Variants in EBF4 observed in about 807,000 individuals in gnomAD.
EBF4 encodes transcription factor COE4.
In EBF4, 34 loss-of-function variants were observed where a neutral mutation model predicts 67.1. That is an observed-to-expected ratio of 0.51 (90% CI 0.39 to 0.67). The LOEUF (loss-of-function observed/expected upper bound fraction) is 0.67. EBF4 is among the 30% of genes least tolerant of loss of function. EBF4 has a pLI of 0.00. For missense variants in EBF4, 837 were observed against 873.3 expected (o/e 0.96, Z 0.52); for synonymous variants, 387 against 377.7 (o/e 1.02, Z -0.29).
intron 14 of EBF4, among the ~76,000 whole-genome samples, 158 bp downstream of exon 14, chr20:2,752,703 C>A (rs539259089): frequency 2.2e-4 from 34 of 152,210 alleles, no homozygotes; most frequent in Non-Finnish European, 3.4e-4. Flanking sequence ...CGCCTGGGAC[C>A]TCCCCTGCCG....
intron 6 of EBF4, among the ~76,000 whole-genome samples, chr20:2,737,621 G>A (rs2087906884): frequency 6.6e-6 from 1 of 151,968 alleles, no homozygotes; most frequent in Non-Finnish European, 1.5e-5. Flanking sequence ...TTACCCTCCT[G>A]CCACCCCACC....
exon 13 of EBF4, chr20:2,752,139 C>T (rs1202349846): frequency 6.9e-7 from 1 of 1,450,382 alleles, no homozygotes; most frequent in South Asian, 1.4e-5. Context: ...ACAGCACCCC[C>T]CGCGCACCCG....
chr20:2,721,632 T>G (rs1271175642), intron 6 of EBF4, among the ~76,000 whole-genome samples: 1 of 152,204 alleles, frequency 6.6e-6, no homozygotes, highest in East Asian at 1.9e-4. Context: ...TTTTTGTATT[T>G]TTAGTAGAGA....
At chr20:2,738,058 G>A (rs1018838547) in intron 6 of EBF4, among the ~76,000 whole-genome samples, 1 of 152,088 alleles carries the variant, frequency 6.6e-6, no homozygotes, top group Non-Finnish European at 1.5e-5. Context: ...CCAGGCTGGG[G>A]ATGGGTCTTT....
intron 6 of EBF4, among the ~76,000 whole-genome samples, chr20:2,713,328 T>C (rs2087567544): frequency 6.6e-6 from 1 of 152,100 alleles, no homozygotes; most frequent in Admixed American, 6.5e-5. Context: ...CAGAAGTGGA[T>C]AAATGGGTAT....
chr20:2,709,915 G>T (rs1321190034), intron 6 of EBF4, among the ~76,000 whole-genome samples: 1 of 152,018 alleles, frequency 6.6e-6, no homozygotes, highest in South Asian at 2.1e-4. Flanking sequence ...TTGAGAGGGG[G>T]GTGGGAAGGG....
intron 15 of EBF4, among the ~76,000 whole-genome samples, chr20:2,757,262 T>C (rs951120854): frequency 6.6e-6 from 1 of 152,192 alleles, no homozygotes; most frequent in African/African-American, 2.4e-5. Flanking sequence ...GGATGATACA[T>C]GTCCGCAGCG....
intron 15 of EBF4, among the ~76,000 whole-genome samples, chr20:2,757,802 C>T (rs2088268063): frequency 6.6e-6 from 1 of 152,004 alleles, no homozygotes; most frequent in Non-Finnish European, 1.5e-5. Flanking sequence ...GAAAAATGAG[C>T]TGGGTGTGGT....
chr20:2,758,867 G>C, intron 15 of EBF4, 42 bp from the exon 16 acceptor site: 1 of 1,538,276 alleles, frequency 6.5e-7, no homozygotes, highest in Non-Finnish European at 8.8e-7. Context: ...GGCTTCCCAG[G>C]TGGCACATGG....
In EBF4 at chr20:2,693,643, C is replaced by T. The variant is rs955918635; in HGVS notation, c.-3C>T. 26 of 1,430,672 alleles carry T rather than the reference C, an allele frequency of 1.8e-5. No individual in the cohort carries two copies. The highest frequency in any genetic ancestry group is 2.9e-5 in the Admixed American group (1 of 34,354). The allele number at this position is 1,430,672 out of a possible 1,614,324, so 88.6% of individuals were successfully genotyped here. A position where few individuals can be genotyped will look rare whatever the true frequency, so the allele number is the denominator to read the frequency against. ...CGGGGGCGCTCACTCACCGCGCGCC[C>T]TCATGTTCCCTGCGCAGGACGCTCT... On this transcript the variant is annotated 5_prime_UTR_variant, in exon 1 of 17. Coordinates refer to ENST00000609451, the Ensembl canonical transcript of EBF4. This position sits in a 1 kb window ranked among gnomAD's most constrained non-coding sequence, Gnocchi z 4.6.
At chr20:2,749,590 C>T (rs1220307193) in intron 8 of EBF4, 30 bp from the exon 9 acceptor site, 2 of 1,549,972 alleles carry the variant, frequency 1.3e-6, no homozygotes, top group Non-Finnish European at 1.7e-6. Flanking sequence ...CAGCGCGGTC[C>T]CCTGACCTGG....
rs959798507 is a variant in EBF4 at position 2,751,665 on chromosome 20, G to A, written c.1019-35G>A. 10 of 1,546,250 alleles carry A rather than the reference G, an allele frequency of 6.5e-6. No homozygotes were observed. The African/African-American group carries it at 6.9e-5, about 11-fold the overall frequency. On this transcript the variant is annotated intron_variant, in intron 10 of 16. Coordinates refer to ENST00000609451, the Ensembl canonical transcript of EBF4. The surrounding 1 kb of genome is among the most constrained non-coding windows in gnomAD (Gnocchi z 5.2). ...TCACCCTGGGAGTGGGGGGCTGCGG[G>A]GGAGACGTCCTCCAAACGCCGCCCC...
intron 6 of EBF4, among the ~76,000 whole-genome samples, chr20:2,736,987 C>T (rs146361396): frequency 0.015 from 2,214 of 152,210 alleles, 63 homozygotes; most frequent in African/African-American, 0.049. Flanking sequence ...CGGTGGCTCA[C>T]GCTTGTAATC....
At chr20:2,736,329 C>T (rs559703783) in intron 6 of EBF4, among the ~76,000 whole-genome samples, 3 of 152,130 alleles carry the variant, frequency 2.0e-5, no homozygotes, top group South Asian at 2.1e-4. Flanking sequence ...AGTTTAGGTC[C>T]GAGCCACCTG....
chr20:2,738,932 G>T (rs1296035207), intron 6 of EBF4, among the ~76,000 whole-genome samples: 1 of 152,176 alleles, frequency 6.6e-6, no homozygotes, highest in Non-Finnish European at 1.5e-5. Context: ...ATGCGCCCTG[G>T]CTATTTATAG....
chr20:2,735,770 T>C (rs1331066773), intron 6 of EBF4, among the ~76,000 whole-genome samples: 8 of 152,224 alleles, frequency 5.3e-5, no homozygotes, highest in African/African-American at 1.9e-4. Context: ...CAATGATCCC[T>C]GCCCTCTGAG....
chr20:2,705,289 A>G (rs569627370), intron 1 of EBF4, among the ~76,000 whole-genome samples: 11 of 152,212 alleles, frequency 7.2e-5, no homozygotes, highest in Non-Finnish European at 1.3e-4. Context: ...TGTGCTGCCC[A>G]GGGAAAAGCC....
chr20:2,693,395 GCGCTCAGGC>G (rs1363237588), upstream of EBF4, among the ~76,000 whole-genome samples: 1 of 150,560 alleles, frequency 6.6e-6, no homozygotes, highest in Non-Finnish European at 1.5e-5. The surrounding 1 kb of genome is among the most constrained non-coding windows in gnomAD (Gnocchi z 4.6). Flanking sequence ...CCGCCCGCCA[GCGCTCAGGC>G]CGCGGGGGAA....
intron 6 of EBF4, among the ~76,000 whole-genome samples, chr20:2,730,714 T>C (rs987622609): frequency 8.5e-5 from 13 of 152,196 alleles, no homozygotes; most frequent in Non-Finnish European, 1.8e-4. Flanking sequence ...CCTTTAGGCA[T>C]GCGAAGCTGG....
Sources: gnomAD v4.1 joint callset for allele counts (sites outside exome capture counted in the v4.1 genomes callset) on GRCh38, gnomAD v4.1.1 for gene constraint, Gnocchi (gnomAD v3.1) non-coding constraint, MANE v1.5 for transcripts, NCBI Gene and HGNC (gene_info 2026-07-23, HGNC 2026-07-21) for gene names.